GNAQ: variants seen among roughly 807,000 people sequenced by gnomAD.
GNAQ encodes guanine nucleotide-binding protein G(q) subunit alpha.
In GNAQ, 8 loss-of-function variants were observed where a neutral mutation model predicts 43.9. The observed-to-expected ratio is 0.18, with a 90% CI of 0.11 to 0.33. The LOEUF (loss-of-function observed/expected upper bound fraction) is 0.33. Ranked by LOEUF, GNAQ falls within the 10% of genes least tolerant of loss-of-function variation. The pLI is 1.00. For synonymous variants in GNAQ, 155 were observed against 170.7 expected (o/e 0.91, Z 0.71); for missense variants, 158 against 450.8 (o/e 0.35, Z 5.88).
At chr9:77,911,505 A>T (rs960975075) in intron 2 of GNAQ, among the ~76,000 whole-genome samples, 2 of 152,182 alleles carry the variant, frequency 1.3e-5, no homozygotes, top group Middle Eastern at 3.2e-3. Context: ...ATAGTTAATA[A>T]AAGGGCAAAA....
intron 2 of GNAQ, among the ~76,000 whole-genome samples, chr9:77,882,793 T>G (rs938233567): frequency 6.6e-6 from 1 of 152,206 alleles, no homozygotes; most frequent in African/African-American, 2.4e-5. Context: ...TTCACTTGTC[T>G]GTATTGTCTA....
chr9:78,022,480 T>C (rs370653345), intron 1 of GNAQ, among the ~76,000 whole-genome samples: 2 of 152,202 alleles, frequency 1.3e-5, no homozygotes, highest in African/African-American at 4.8e-5. Context: ...AGAAAAGATA[T>C]ATGTAACGAA....
chr9:77,951,780 T>A (rs1370159634), intron 1 of GNAQ, among the ~76,000 whole-genome samples: 1 of 152,196 alleles, frequency 6.6e-6, no homozygotes, highest in Non-Finnish European at 1.5e-5. Context: ...AAGGGGGTCA[T>A]CTCGATGAGT....
intron 2 of GNAQ, among the ~76,000 whole-genome samples, chr9:77,833,317 G>A (rs1038209921): frequency 2.0e-5 from 3 of 152,142 alleles, no homozygotes; most frequent in Non-Finnish European, 4.4e-5. Flanking sequence ...TTCCCCAAAG[G>A]GTAGTAGCAC....
intron 3 of GNAQ, among the ~76,000 whole-genome samples, chr9:77,814,455 A>C (rs1289267584): frequency 1.3e-5 from 2 of 152,178 alleles, no homozygotes; most frequent in African/African-American, 4.8e-5. Flanking sequence ...TACTACAAAA[A>C]TGGTGCTCAT....
Position 77,719,823 on chromosome 9 carries a change from A to G in GNAQ, c.*1500T>C, listed in dbSNP as rs1056114118. 3.9e-5 allele frequency: 9 copies of G among 232,648 alleles called. No individual in the cohort carries two copies. The highest frequency in any genetic ancestry group is 2.0e-4 in the African/African-American group (9 of 45,330). The allele number at this position is 232,648 out of a possible 1,614,324, so 14.4% of individuals were successfully genotyped here. The stretch of plus-strand genomic sequence containing the variant: ...GTTCAGTTACACAAATACATGTTCT[A>G]TAGAACACTGAGAGGTTACTTTTGA... On this transcript the variant is annotated 3_prime_UTR_variant, in exon 7 of 7. Transcript: ENST00000286548.
At chr9:77,770,644 C>T (rs1016436943) in intron 5 of GNAQ, among the ~76,000 whole-genome samples, 2 of 152,162 alleles carry the variant, frequency 1.3e-5, no homozygotes, top group Non-Finnish European at 2.9e-5. Flanking sequence ...CCTAAATTAC[C>T]TCAAACATTT....
At chr9:78,019,084 T>C (rs1823873155) in intron 1 of GNAQ, among the ~76,000 whole-genome samples, 1 of 152,174 alleles carries the variant, frequency 6.6e-6, no homozygotes, top group Admixed American at 6.5e-5. Context: ...GAATCAGGAT[T>C]TCCCTAAAGA....
intron 1 of GNAQ, among the ~76,000 whole-genome samples, chr9:77,927,225 T>C (rs1267335792): frequency 6.6e-6 from 1 of 152,262 alleles, no homozygotes; most frequent in East Asian, 1.9e-4. Flanking sequence ...ACAATGATTA[T>C]TTTGCCTATT....
At chr9:77,959,784 G>A (rs951183190) in intron 1 of GNAQ, among the ~76,000 whole-genome samples, 1 of 152,066 alleles carries the variant, frequency 6.6e-6, no homozygotes, top group Non-Finnish European at 1.5e-5. Context: ...CCAAACGACT[G>A]CTACAAATCT....
chr9:77,940,738 C>T (rs1323097266), intron 1 of GNAQ, among the ~76,000 whole-genome samples: 1 of 152,134 alleles, frequency 6.6e-6, no homozygotes, highest in Non-Finnish European at 1.5e-5. Flanking sequence ...GAGGCCGAGG[C>T]AGGCGGATCA....
At chr9:78,029,851 T>C (rs1006250810) in intron 1 of GNAQ, among the ~76,000 whole-genome samples, 2 of 152,218 alleles carry the variant, frequency 1.3e-5, no homozygotes, top group African/African-American at 4.8e-5. Flanking sequence ...ACATTTATTA[T>C]ACATGCAAAT....
chr9:77,838,596 G>C (rs17786735), intron 2 of GNAQ, among the ~76,000 whole-genome samples: 1 of 151,056 alleles, frequency 6.6e-6, no homozygotes, highest in African/African-American at 2.4e-5. Context: ...AAGTAGAAAT[G>C]GGGTAGAATT....
At chr9:77,724,862 G>GT (rs1305657028) in intron 6 of GNAQ, among the ~76,000 whole-genome samples, 1 of 151,864 alleles carries the variant, frequency 6.6e-6, no homozygotes, top group Non-Finnish European at 1.5e-5. Flanking sequence ...AATATGTAAA[G>GT]TATATATACA....
chr9:77,761,583 C>A (rs1216361248), intron 5 of GNAQ, among the ~76,000 whole-genome samples: 23 of 138,722 alleles, frequency 1.7e-4, no homozygotes, highest in African/African-American at 6.0e-4. Flanking sequence ...GCTGCCTCGC[C>A]CGGGAGGTGA....
intron 1 of GNAQ, among the ~76,000 whole-genome samples, chr9:78,026,373 C>A (rs1327581456): frequency 6.6e-6 from 1 of 152,102 alleles, no homozygotes; most frequent in Non-Finnish European, 1.5e-5. Context: ...GAGGGATGTT[C>A]CCACTTTGTT....
At chr9:77,854,461 T>G (rs1827719870) in intron 2 of GNAQ, among the ~76,000 whole-genome samples, 1 of 152,238 alleles carries the variant, frequency 6.6e-6, no homozygotes, top group South Asian at 2.1e-4. Flanking sequence ...ACAGGTTAAG[T>G]GGCAGTGATG....
At chr9:77,849,384 T>C (rs1347569092) in intron 2 of GNAQ, among the ~76,000 whole-genome samples, 1 of 152,004 alleles carries the variant, frequency 6.6e-6, no homozygotes, top group Non-Finnish European at 1.5e-5. Flanking sequence ...ACAGACAATA[T>C]CGAGACAAAG....
chr9:77,757,732 G>A (rs186315606), intron 5 of GNAQ, among the ~76,000 whole-genome samples: 90 of 152,238 alleles, frequency 5.9e-4, no homozygotes, highest in African/African-American at 2.1e-3. Flanking sequence ...AGCTATGTAA[G>A]TCCATTAATG....
Sources: gnomAD v4.1 joint callset for allele counts (sites outside exome capture counted in the v4.1 genomes callset) on GRCh38, gnomAD v4.1.1 for gene constraint, MANE v1.5 for transcripts, NCBI Gene and HGNC (gene_info 2026-07-23, HGNC 2026-07-21) for gene names.